Variants in WDR49 observed in about 807,000 individuals in gnomAD.
The protein encoded by WDR49 is WD repeat domain 49.
WDR49 carries 107 observed loss-of-function variants against 119.5 expected under a neutral mutation model. The observed-to-expected ratio is 0.90, with a 90% CI of 0.77 to 1.05. The LOEUF is 1.05. WDR49 is among the 50% of genes least tolerant of loss of function. The pLI, the probability that WDR49 is intolerant of heterozygous loss-of-function variation, is 0.00. For missense variants in WDR49, 1,240 were observed against 1,220.5 expected (o/e 1.02, Z -0.24); for synonymous variants, 425 against 418.8 (o/e 1.01, Z -0.18).
chr3:167,610,435 C>T (rs543897680), intron 5 of WDR49, among the ~76,000 whole-genome samples: 4 of 152,292 alleles, frequency 2.6e-5, no homozygotes, highest in African/African-American at 9.6e-5. Context: ...GCAGTGGCTA[C>T]AGGGTGAGGC....
intron 3 of WDR49, among the ~76,000 whole-genome samples, chr3:167,625,966 CAA>C (rs199563097): frequency 0.013 from 2,025 of 150,330 alleles, 33 homozygotes; most frequent in Non-Finnish European, 0.017. Context: ...GCATGTATAT[CAA>C]AAGAGACATA....
At chr3:167,517,914 G>C (rs1030723255) in intron 16 of WDR49, among the ~76,000 whole-genome samples, 10 of 151,560 alleles carry the variant, frequency 6.6e-5, no homozygotes, top group African/African-American at 2.4e-4. Flanking sequence ...TCCCCAGAGT[G>C]TGATGTTCCC....
upstream of WDR49, among the ~76,000 whole-genome samples, chr3:167,655,895 CTCTCTCTCTCTCTCTA>C (rs1238498975): frequency 6.6e-6 from 1 of 150,768 alleles, no homozygotes; most frequent in Non-Finnish European, 1.5e-5. Flanking sequence ...TAGACACTGT[CTCTCTCTCTCTCTCTA>C]TCTCTCTCTC....
chr3:167,625,374 C>T (rs1717086280), intron 3 of WDR49, among the ~76,000 whole-genome samples: 1 of 151,748 alleles, frequency 6.6e-6, no homozygotes, highest in Non-Finnish European at 1.5e-5. Flanking sequence ...ATTTTAAACC[C>T]ATTATTTTTC....
intron 18 of WDR49, among the ~76,000 whole-genome samples, chr3:167,485,071 T>C (rs1196983737): frequency 6.6e-6 from 1 of 152,150 alleles, no homozygotes; most frequent in Non-Finnish European, 1.5e-5. Flanking sequence ...GAGGCCATCA[T>C]TCTCAGCAAA....
intron 2 of WDR49, among the ~76,000 whole-genome samples, chr3:167,648,985 A>G (rs1282296596): frequency 6.6e-6 from 1 of 152,214 alleles, no homozygotes; most frequent in Non-Finnish European, 1.5e-5. Flanking sequence ...CCAACTTTAT[A>G]CCTTAACAGT....
upstream of WDR49, among the ~76,000 whole-genome samples, chr3:167,655,774 T>A (rs1027392589): frequency 4.6e-5 from 7 of 152,106 alleles, no homozygotes; most frequent in African/African-American, 7.2e-5. Flanking sequence ...GGCAGGCGCC[T>A]GTAATCCCAG....
At chr3:167,598,388 C>T (rs1715598501) in intron 7 of WDR49, among the ~76,000 whole-genome samples, 1 of 152,072 alleles carries the variant, frequency 6.6e-6, no homozygotes. Context: ...CATGATCTGG[C>T]TCTGTGTCCC....
intron 2 of WDR49, among the ~76,000 whole-genome samples, chr3:167,634,202 G>T (rs1008834809): frequency 1.3e-5 from 2 of 151,718 alleles, no homozygotes; most frequent in African/African-American, 2.4e-5. Flanking sequence ...TCTTTTTGAG[G>T]TAATAATTAG....
intron 16 of WDR49, among the ~76,000 whole-genome samples, chr3:167,509,768 C>T (rs893232120): frequency 1.3e-5 from 2 of 151,994 alleles, no homozygotes; most frequent in Admixed American, 6.6e-5. Flanking sequence ...ACTGTTTTCC[C>T]AGTTAAAATT....
At chr3:167,645,382 C>A (rs986812004) in intron 2 of WDR49, among the ~76,000 whole-genome samples, 1 of 151,548 alleles carries the variant, frequency 6.6e-6, no homozygotes, top group Non-Finnish European at 1.5e-5. Flanking sequence ...GGCTAGTTTT[C>A]GTATTTTTGT....
chr3:167,524,928 T>C (rs1752580464), intron 15 of WDR49, among the ~76,000 whole-genome samples: 1 of 152,178 alleles, frequency 6.6e-6, no homozygotes, highest in Non-Finnish European at 1.5e-5. Context: ...AGTAGTTTTT[T>C]CCAGTTCTGT....
At chr3:167,552,809 T>C (rs777384601) in intron 10 of WDR49, among the ~76,000 whole-genome samples, 4 of 152,120 alleles carry the variant, frequency 2.6e-5, no homozygotes, top group Admixed American at 2.0e-4. Flanking sequence ...AGATGGCATA[T>C]TTAAGTACTT....
Position 167,550,763 on chromosome 3 carries a change from G to GTTTTT in WDR49, c.1823+3882_1823+3886dup, listed in dbSNP as rs1308991677. On this transcript the variant is annotated intron_variant, in intron 10 of 18. Coordinates refer to ENST00000682715, the MANE Select transcript of WDR49 (RefSeq NM_001366157.1). ...AAATTAAAATCAGGGGAACTAGGAG[G>GTTTTT]TTTTTTTTTTTTTTTGAGAGAGAGA... 4.4e-5 allele frequency among the ~76,000 whole-genome samples: 6 copies of GTTTTT among 135,740 alleles called. No individual in the cohort carries two copies. In the East Asian group the frequency reaches 1.3e-3, roughly 30 times the overall value. The allele number at this position is 135,740 out of a possible 152,430, so 89.1% of individuals were successfully genotyped here.
rs1408827871 is a variant in WDR49, at chr3:167,621,566, T to C, written c.684A>G (p.Lys228=). 2.0e-6 allele frequency: 3 copies of C among 1,535,380 alleles called. No individual in the cohort carries two copies. The highest frequency in any genetic ancestry group is 3.9e-5 in the Admixed American group (2 of 50,956). The change falls in exon 4 of 19, where the codon AAA becomes AAG. Residue 228 remains lysine, a synonymous_variant. Coordinates refer to ENST00000682715, the MANE Select transcript of WDR49 (RefSeq NM_001366157.1). The part of the protein sequence containing the change: ...LSKEEFACQY[K]LQGLKGTPIC... ...TTGGTGTTCCTTTCAGGCCTTGGAG[T>C]TTGTATTGGCAAGCAAATTCTTCTT...
intron 18 of WDR49, 91 bp from the exon 19 acceptor site, chr3:167,479,087 C>CT: frequency 1.9e-6 from 2 of 1,038,088 alleles, no homozygotes; most frequent in Non-Finnish European, 2.7e-6. Flanking sequence ...TCAAATTTTG[C>CT]TTTTTCTAAA....
At chr3:167,606,948 C>A (rs1458557530) in intron 5 of WDR49, among the ~76,000 whole-genome samples, 1 of 152,134 alleles carries the variant, frequency 6.6e-6, no homozygotes, top group Non-Finnish European at 1.5e-5. Context: ...AAGACACTGT[C>A]CATTTTTACA....
intron 18 of WDR49, among the ~76,000 whole-genome samples, chr3:167,483,400 G>A (rs1298457934): frequency 6.6e-6 from 1 of 152,000 alleles, no homozygotes; most frequent in Non-Finnish European, 1.5e-5. Flanking sequence ...TAATTGACTG[G>A]GTTTCAAGGC....
intron 18 of WDR49, among the ~76,000 whole-genome samples, chr3:167,490,355 G>A (rs1055829952): frequency 1.3e-5 from 2 of 152,210 alleles, no homozygotes; most frequent in African/African-American, 4.8e-5. Context: ...AAATAAAAAT[G>A]TAGAGCAATA....
Sources: allele counts gnomAD v4.1 joint callset (sites outside exome capture counted in the v4.1 genomes callset), GRCh38; gene constraint gnomAD v4.1.1; transcripts MANE v1.5; gene names NCBI Gene and HGNC (gene_info 2026-07-23, HGNC 2026-07-21).